The following TMEM164 variants were observed in gnomAD, a reference collection of about 807,000 sequenced individuals.
The protein encoded by TMEM164 is transmembrane protein 164.
In TMEM164, 4 loss-of-function variants were observed where a neutral mutation model predicts 18.8. The ratio of observed to expected loss-of-function variants is 0.21; its 90% CI spans 0.10 to 0.49. The LOEUF (loss-of-function observed/expected upper bound fraction) is 0.49. Ranked by LOEUF, TMEM164 falls within the 20% of genes least tolerant of loss-of-function variation. The pLI is 0.98. For missense variants in TMEM164, 108 were observed against 239.9 expected, an observed-to-expected ratio of 0.45 and a Z score of 3.63; for synonymous variants, 86 against 101.7, an observed-to-expected ratio of 0.85 and a Z score of 0.93.
intron 4 of TMEM164, among the ~76,000 whole-genome samples, chrX:110,122,636 C>T (rs2066469313): frequency 9.0e-6 from 1 of 111,535 alleles, no homozygotes; most frequent in Admixed American, 9.5e-5. Context: ...TATTCAGGAA[C>T]ATTTCAGATT....
At chrX:110,096,027 T>G (rs1244058806) in intron 3 of TMEM164, among the ~76,000 whole-genome samples, 3 of 112,353 alleles carry the variant, frequency 2.7e-5, no homozygotes, top group Non-Finnish European at 5.6e-5. Flanking sequence ...CAGATGTTCC[T>G]GCCTGATCCT....
intron 2 of TMEM164, among the ~76,000 whole-genome samples, chrX:110,016,851 C>A (rs1306597862): frequency 9.0e-6 from 1 of 110,675 alleles, no homozygotes; most frequent in African/African-American, 3.3e-5. Flanking sequence ...GAGATGGGGT[C>A]TTGCCATGTT....
At chrX:110,071,897 T>C (rs1445120502) in intron 3 of TMEM164, among the ~76,000 whole-genome samples, 1 of 109,873 alleles carries the variant, frequency 9.1e-6, no homozygotes, top group East Asian at 2.8e-4. Context: ...CAAGACTCCA[T>C]CTTTTAAAAA....
intron 2 of TMEM164, among the ~76,000 whole-genome samples, chrX:110,044,077 A>G (rs192869499): frequency 1.8e-5 from 2 of 112,504 alleles, no homozygotes; most frequent in African/African-American, 3.2e-5. Context: ...TACCAACAAT[A>G]GAGGCACTAT....
chrX:110,105,862 G>A (rs1218165994), intron 3 of TMEM164, among the ~76,000 whole-genome samples: 2 of 109,446 alleles, frequency 1.8e-5, no homozygotes, highest in Non-Finnish European at 3.8e-5. Flanking sequence ...CTTGAAACTT[G>A]GCGACATCTG....
chrX:110,049,963 C>T lies in TMEM164; in HGVS notation c.391-17384C>T, dbSNP rs925216072. Among the ~76,000 whole-genome samples the T allele has an allele frequency of 4.5e-5, 5 of 111,617 alleles. No homozygotes were observed. The Admixed American group carries it at 4.7e-4, about 11-fold the overall frequency. ...AGCTAAACTCAAAGGCCTTTGAGAG[C>T]CTTCCATTGGGCTGCCCAAAGTCCT... On this transcript the variant is annotated intron_variant, in intron 2 of 6. Transcript: ENST00000372068.
rs182192063 is a variant in TMEM164, at chrX:110,103,530, G to A, written c.441-5550G>A. On this transcript the variant is annotated intron_variant, in intron 3 of 6. Transcript: ENST00000372068. ...GAATATAGCCTCCTGGGGTATAAGG[G>A]GCAGATAGAGGAGGTCTGGCTTTGG... Among the ~76,000 whole-genome samples the A allele has an allele frequency of 6.9e-3, 756 of 110,309 alleles. 5 individuals carry two copies. The highest frequency in any genetic ancestry group is 0.022 in the African/African-American group (661 of 30,251).
chrX:110,044,084 C>T (rs1472714518), intron 2 of TMEM164, among the ~76,000 whole-genome samples: 2 of 112,270 alleles, frequency 1.8e-5, no homozygotes, highest in Non-Finnish European at 1.9e-5. Flanking sequence ...AATAGAGGCA[C>T]TATACTTTCC....
rs1386825263 is a variant in TMEM164 at position 110,021,327 on chromosome X, C to T, written c.390+17163C>T. Reference sequence around the variant, plus strand: ...TGTTTTGGAGGCTGTGCCACAGGTGCCTTGCTGTCTGTGTGGCTGGTGGGG... The same window carrying T: ...TGTTTTGGAGGCTGTGCCACAGGTGTCTTGCTGTCTGTGTGGCTGGTGGGG... On this transcript the variant is annotated intron_variant, in intron 2 of 6. Coordinates refer to ENST00000372068, the MANE Select transcript of TMEM164 (RefSeq NM_032227.4). 2.7e-5 allele frequency among the ~76,000 whole-genome samples: 3 copies of T among 110,961 alleles called. No homozygotes were observed. The East Asian group carries it at 8.4e-4, about 31-fold the overall frequency.
intron 4 of TMEM164, among the ~76,000 whole-genome samples, chrX:110,135,339 A>G (rs1009321846): frequency 8.9e-6 from 1 of 111,878 alleles, no homozygotes; most frequent in Non-Finnish European, 1.9e-5. Context: ...GTGGAGTAAT[A>G]CATCTTCCAG....
chrX:110,096,899 G>A (rs990571862), intron 3 of TMEM164, among the ~76,000 whole-genome samples: 1 of 112,001 alleles, frequency 8.9e-6, no homozygotes, highest in South Asian at 3.7e-4. Flanking sequence ...ACAGGATTGC[G>A]CTACAGCACC....
At chrX:110,181,642 G>A (rs1414664793), downstream of TMEM164, among the ~76,000 whole-genome samples, 1 of 113,174 alleles carries the variant, frequency 8.8e-6, no homozygotes, top group African/African-American at 3.2e-5. Flanking sequence ...GACTGAGCAG[G>A]CAGGGCCTGC....
chrX:110,143,887 T>C (rs965112223), intron 4 of TMEM164, among the ~76,000 whole-genome samples: 1 of 110,833 alleles, frequency 9.0e-6, no homozygotes, highest in African/African-American at 3.3e-5. Context: ...CTAGGCCTCT[T>C]GTCAGCTGCC....
chrX:110,017,694 C>T (rs113913992), intron 2 of TMEM164, among the ~76,000 whole-genome samples: 2,581 of 104,263 alleles, frequency 0.025, 95 homozygotes, highest in African/African-American at 0.086. Flanking sequence ...CTCAGCCTCC[C>T]GAGTAGCTGG....
At chrX:110,031,863 T>TTTATTATTA (rs748162064) in intron 2 of TMEM164, among the ~76,000 whole-genome samples, 1 of 108,683 alleles carries the variant, frequency 9.2e-6, no homozygotes, top group Admixed American at 9.9e-5. Context: ...TTTTTTTCTT[T>TTTATTATTA]TTATTATTAT....
At chrX:110,090,113 A>T (rs1465892133) in intron 3 of TMEM164, among the ~76,000 whole-genome samples, 1 of 110,267 alleles carries the variant, frequency 9.1e-6, no homozygotes, top group Non-Finnish European at 1.9e-5. Context: ...AACTTCCTGA[A>T]TTTCACAGGG....
intron 2 of TMEM164, among the ~76,000 whole-genome samples, chrX:110,030,594 A>G (rs1037435662): frequency 2.8e-5 from 3 of 108,038 alleles, no homozygotes; most frequent in Non-Finnish European, 5.7e-5. Flanking sequence ...CGAGGCGGGC[A>G]GATCACAGGA....
At chrX:110,096,874 C>T (rs1252274690) in intron 3 of TMEM164, among the ~76,000 whole-genome samples, 1 of 111,861 alleles carries the variant, frequency 8.9e-6, no homozygotes, top group African/African-American at 3.3e-5. Flanking sequence ...AACTGCACTC[C>T]CTGCCACAAG....
At chrX:110,095,313 C>T (rs2065998619) in intron 3 of TMEM164, among the ~76,000 whole-genome samples, 1 of 112,176 alleles carries the variant, frequency 8.9e-6, no homozygotes, top group South Asian at 3.7e-4. Context: ...CTTTCAGGTA[C>T]ACCAATCAGA....
Sources: gnomAD v4.1 joint callset for allele counts (sites outside exome capture counted in the v4.1 genomes callset) on GRCh38, gnomAD v4.1.1 for gene constraint, MANE v1.5 for transcripts, NCBI Gene and HGNC (gene_info 2026-07-23, HGNC 2026-07-21) for gene names.